Variants in SLCO2B1 observed in about 807,000 individuals in gnomAD.
The protein encoded by SLCO2B1 is solute carrier organic anion transporter family member 2B1.
A neutral mutation model predicts 67.3 loss-of-function variants in SLCO2B1; 41 were observed. The observed-to-expected ratio is 0.61, with a 90% CI of 0.47 to 0.79. The LOEUF (loss-of-function observed/expected upper bound fraction) is 0.79, where lower values mean the gene tolerates loss of function less well. Among genes scored for constraint, SLCO2B1 ranks in the 30% least tolerant of loss-of-function variants. The pLI is 0.00. For missense variants in SLCO2B1, 837 were observed against 920.1 expected (o/e 0.91, Z 1.17); for synonymous variants, 379 against 381.4 (o/e 0.99, Z 0.07).
At chr11:75,203,255 G>A (rs1413120523) in intron 12 of SLCO2B1, 52 bp from the exon 13 acceptor site, 3 of 1,597,166 alleles carry the variant, frequency 1.9e-6, no homozygotes, top group Admixed American at 1.7e-5. Flanking sequence ...CCAGGGAGGG[G>A]GCAGGGTAGG....
At position 75,166,087 on chromosome 11, in the gene SLCO2B1, C is replaced by G. The variant is rs375801952; in HGVS notation, c.448+138C>G. On this transcript the variant is annotated intron_variant, in intron 4 of 13. Transcript: ENST00000289575. ...CCCAGGACAGCTGCTAGTCCCCCCC[C>G]AACCTGGCTCCCCAGGCCCCAGCCC... The G allele has an allele frequency of 5.7e-5, 61 of 1,078,560 alleles. No homozygotes were observed. In the African/African-American group the frequency reaches 8.1e-4, roughly 14 times the overall value. The allele number at this position is 1,078,560 out of a possible 1,614,324, so 66.8% of individuals were successfully genotyped here.
chr11:75,173,660 G>T (rs568588374), intron 7 of SLCO2B1, among the ~76,000 whole-genome samples: 2 of 152,142 alleles, frequency 1.3e-5, no homozygotes, highest in African/African-American at 4.8e-5. Context: ...TGGTAGGAGA[G>T]GACAGGATCA....
chr11:75,163,993 C>G lies in SLCO2B1; in HGVS notation c.178C>G (p.Leu60Val). 1 of 1,604,224 alleles carries G rather than the reference C, an allele frequency of 6.2e-7. No individual in the cohort carries two copies. Among genetic ancestry groups the G allele is most frequent in the Non-Finnish European group, 8.5e-7 (1 of 1,175,570 alleles). ...CGTTCTGTGCCACAGCCTGCTGCAG[C>G]TGGCGCAGCTCATGATCTCCGGCTA... ...LFVLCHSLLQ[L>V]AQLMISGYLK... Residue 60 changes from leucine to valine, a missense_variant, in exon 3 of 14, where the codon CTG becomes GTG. Leu to Val is a conservative substitution (Grantham distance 32). Transcript: ENST00000289575.
chr11:75,203,404 C>A lies in SLCO2B1; in HGVS notation c.1926C>A (p.Tyr642Ter). Reference sequence around the variant, plus strand: ...GGCGTCGAGCTGTCTGTCGCTACTACAATAATGACCTGCTCCGAAACCGGT... The same window carrying A: ...GGCGTCGAGCTGTCTGTCGCTACTAAAATAATGACCTGCTCCGAAACCGGT... ...SCGRRAVCRY[Y>*]NNDLLRNRFI... The change falls in exon 13 of 14, where the codon TAC becomes TAA. Residue 642 changes from tyrosine (Y) to a stop codon, truncating the protein, a stop_gained. Transcript: ENST00000289575. LOFTEE classifies it low-confidence loss of function (END_TRUNC). 1 of 1,614,162 alleles carries A rather than the reference C, an allele frequency of 6.2e-7. No individual in the cohort carries two copies. The highest frequency in any genetic ancestry group is 8.5e-7 in the Non-Finnish European group (1 of 1,180,014).
At chr11:75,179,365 G>A (rs1950067569) in intron 7 of SLCO2B1, among the ~76,000 whole-genome samples, 1 of 151,324 alleles carries the variant, frequency 6.6e-6, no homozygotes, top group Admixed American at 6.6e-5. Flanking sequence ...CTGAGTAGCT[G>A]GGATTACAGG....
At chr11:75,188,599 A>G (rs1944973070) in intron 8 of SLCO2B1, among the ~76,000 whole-genome samples, 1 of 152,126 alleles carries the variant, frequency 6.6e-6, no homozygotes, top group Non-Finnish European at 1.5e-5. Context: ...GATGGTGGGC[A>G]CCTGTAGTCT....
chr11:75,196,312 A>G (rs1591835697), intron 9 of SLCO2B1: 2 of 576,274 alleles, frequency 3.5e-6, no homozygotes, highest in African/African-American at 3.8e-5. Flanking sequence ...TGTAGGATTG[A>G]GGGGGCCTGT....
At chr11:75,185,193 A>G (rs1191690753) in intron 7 of SLCO2B1, among the ~76,000 whole-genome samples, 2 of 152,230 alleles carry the variant, frequency 1.3e-5, no homozygotes, top group African/African-American at 2.4e-5. Context: ...AGGTTCTGAA[A>G]TGTGGGGAAA....
chr11:75,153,653 G>A (rs1165551300), intron 1 of SLCO2B1, among the ~76,000 whole-genome samples: 1 of 152,190 alleles, frequency 6.6e-6, no homozygotes, highest in Non-Finnish European at 1.5e-5. Context: ...GCTTAGAAAA[G>A]TGACTACACC....
intron 7 of SLCO2B1, among the ~76,000 whole-genome samples, chr11:75,186,957 T>G (rs965106253): frequency 5.3e-5 from 8 of 152,216 alleles, no homozygotes; most frequent in African/African-American, 1.9e-4. Context: ...TGGATTCAAA[T>G]CCTAGCTGGA....
At chr11:75,152,998 C>T (rs189424853) in intron 1 of SLCO2B1, among the ~76,000 whole-genome samples, 1 of 152,158 alleles carries the variant, frequency 6.6e-6, no homozygotes, top group African/African-American at 2.4e-5. Flanking sequence ...CAGCAGAGCC[C>T]CTCCACCCAC....
intron 4 of SLCO2B1, among the ~76,000 whole-genome samples, chr11:75,166,665 C>A (rs1391141259): frequency 6.6e-6 from 1 of 150,830 alleles, no homozygotes; most frequent in Non-Finnish European, 1.5e-5. Context: ...ATCTATTCAT[C>A]CATCCAATGG....
Position 75,165,005 on chromosome 11 carries a change from C to T in SLCO2B1, c.286-782C>T, listed in dbSNP as rs556160538. Among the ~76,000 whole-genome samples the T allele has an allele frequency of 7.9e-5, 12 of 152,226 alleles. No homozygotes were observed. The South Asian group carries it at 2.5e-3, about 32-fold the overall frequency. ...CCAGCGAGGAGTGTCTGGGACTCAC[C>T]CAAGGTCACCAATCAATAAGCAGCA... On this transcript the variant is annotated intron_variant, in intron 3 of 13. Transcript: ENST00000289575.
chr11:75,198,009 C>T (rs1301906498), intron 10 of SLCO2B1, among the ~76,000 whole-genome samples: 2 of 152,220 alleles, frequency 1.3e-5, no homozygotes, highest in Non-Finnish European at 2.9e-5. Context: ...ACAACATCTC[C>T]CTCTCTCCAG....
intron 3 of SLCO2B1, 150 bp downstream of exon 3, chr11:75,164,250 G>C: frequency 1.2e-6 from 1 of 866,516 alleles, no homozygotes. Context: ...TGAAACCTCA[G>C]AGCGTTTGCA....
At chr11:75,172,653 G>T in intron 7 of SLCO2B1, 84 bp downstream of exon 7, 1 of 1,276,952 alleles carries the variant, frequency 7.8e-7, no homozygotes, top group Non-Finnish European at 1.1e-6. Flanking sequence ...ACTTCGGCTG[G>T]GCGTGGTGGC....
At chr11:75,178,043 G>A (rs1245283265) in intron 7 of SLCO2B1, among the ~76,000 whole-genome samples, 10 of 147,842 alleles carry the variant, frequency 6.8e-5, no homozygotes, top group African/African-American at 2.5e-4. Context: ...GCAGTGAGCC[G>A]AGATTACATC....
chr11:75,180,289 C>G (rs763673983), intron 7 of SLCO2B1, among the ~76,000 whole-genome samples: 20 of 152,086 alleles, frequency 1.3e-4, no homozygotes, highest in Admixed American at 6.6e-5. Context: ...AGTGTCTTAG[C>G]TATTTTTAAG....
At chr11:75,200,078 C>G in intron 10 of SLCO2B1, 146 bp from the exon 11 acceptor site, 1 of 760,806 alleles carries the variant, frequency 1.3e-6, no homozygotes, top group East Asian at 2.9e-5. Context: ...GCTCAGCCAA[C>G]GGGTCACGAT....
Sources: allele counts gnomAD v4.1 joint callset (sites outside exome capture counted in the v4.1 genomes callset), GRCh38; gene constraint gnomAD v4.1.1; transcripts MANE v1.5; gene names NCBI Gene and HGNC (gene_info 2026-07-23, HGNC 2026-07-21).